TRAPPC13: variants seen among roughly 807,000 people sequenced by gnomAD.
TRAPPC13 encodes REV7-interacting novel NHEJ regulator 1.
In TRAPPC13, 39 loss-of-function variants were observed where a neutral mutation model predicts 54.0. The ratio of observed to expected loss-of-function variants is 0.72; its 90% CI spans 0.56 to 0.94. The LOEUF (loss-of-function observed/expected upper bound fraction) is 0.94, where lower values mean the gene tolerates loss of function less well. TRAPPC13 is among the 40% of genes least tolerant of loss of function. The pLI is 0.00. For missense variants in TRAPPC13, 386 were observed against 488.1 expected, an observed-to-expected ratio of 0.79 and a Z score of 1.97; for synonymous variants, 148 against 167.7, an observed-to-expected ratio of 0.88 and a Z score of 0.91.
In TRAPPC13 at chr5:65,635,346, CAT is replaced by C. The variant is rs1484366245; in HGVS notation, c.93_94del (p.Cys32Ter). On this transcript the variant is annotated frameshift_variant, in exon 2 of 13. Coordinates refer to ENST00000399438, the MANE Select transcript of TRAPPC13 (RefSeq NM_024941.4). LOFTEE classifies it high-confidence loss of function. ...ACTTTATTCACCAATATCCCAGTAA[CAT>C]GTGAAGAGAAAGACTTACCTGGTAT... 8.1e-6 allele frequency: 13 copies of C among 1,613,470 alleles called. No homozygotes were observed. The highest frequency in any genetic ancestry group is 2.2e-5 in the East Asian group (1 of 44,836).
In TRAPPC13 at chr5:65,650,693, C is replaced by T. The variant is rs1226646945; in HGVS notation, c.429-117C>T. The T allele has an allele frequency of 6.9e-6, 5 of 724,568 alleles. No homozygotes were observed. In the East Asian group the frequency reaches 8.1e-5, roughly 12 times the overall value. 44.9% of individuals were successfully genotyped at this position (724,568 alleles called of 1,614,324 possible). On this transcript the variant is annotated intron_variant, in intron 5 of 12. Transcript: ENST00000399438. ...GACTTTTTCCCCTGCTCTAATCTCA[C>T]ACATCCACACCATAGATATAAGTGT... is the stretch of plus-strand genomic sequence containing the variant.
At chr5:65,651,731 A>C (rs1250309770) in intron 6 of TRAPPC13, among the ~76,000 whole-genome samples, 1 of 144,462 alleles carries the variant, frequency 6.9e-6, no homozygotes, top group African/African-American at 2.6e-5. Flanking sequence ...GGTTTTTTTC[A>C]TTCCTTTGTA....
chr5:65,666,070 T>C lies in TRAPPC13; in HGVS notation c.*1459T>C, dbSNP rs1030348617. The C allele has an allele frequency of 1.3e-5, 2 of 152,588 alleles. No individual in the cohort carries two copies. The highest frequency in any genetic ancestry group is 6.5e-5 in the Admixed American group (1 of 15,278). 9.5% of individuals were successfully genotyped at this position (152,588 alleles called of 1,614,324 possible). ...AAAATAAAGTGCAAGCAGTGTAAAA[T>C]TGAAGTCTGTCTTTGTTTCAAAATG... On this transcript the variant is annotated 3_prime_UTR_variant, in exon 13 of 13. Coordinates refer to ENST00000399438, the MANE Select transcript of TRAPPC13 (RefSeq NM_024941.4).
At chr5:65,640,416 A>C (rs1337078227) in intron 4 of TRAPPC13, among the ~76,000 whole-genome samples, 2 of 152,158 alleles carry the variant, frequency 1.3e-5, no homozygotes, top group Non-Finnish European at 2.9e-5. Context: ...TCCTTAAATA[A>C]AGCTTTACTG....
chr5:65,626,770 A>G (rs1459030655), intron 1 of TRAPPC13, among the ~76,000 whole-genome samples: 1 of 151,978 alleles, frequency 6.6e-6, no homozygotes, highest in Non-Finnish European at 1.5e-5. Flanking sequence ...AATTCCAGTG[A>G]TACAGAGACT....
chr5:65,634,067 C>G lies in TRAPPC13; in HGVS notation c.47-1234C>G, dbSNP rs182718853. Among the ~76,000 whole-genome samples the G allele has an allele frequency of 1.7e-3, 251 of 147,314 alleles. 1 individual carries two copies. Among genetic ancestry groups the G allele is most frequent in the Middle Eastern group, 0.015 (4 of 268 alleles). On this transcript the variant is annotated intron_variant, in intron 1 of 12. Transcript: ENST00000399438. ...GTGCCGCAATCTCGGCTCACTGCAA[C>G]CTCCGCCTCCCGGCTTCATGCCATT...
At chr5:65,656,336 GC>G (rs1442942638) in intron 8 of TRAPPC13, among the ~76,000 whole-genome samples, 2 of 151,914 alleles carry the variant, frequency 1.3e-5, no homozygotes, top group Admixed American at 1.3e-4. Context: ...CTAAATTTAT[GC>G]AGAAAATTGC....
At chr5:65,629,530 T>G in intron 1 of TRAPPC13, 6 of 1,467,610 alleles carry the variant, frequency 4.1e-6, no homozygotes, top group Non-Finnish European at 4.5e-6. Flanking sequence ...ACATTCTAGC[T>G]CTGAGGAGTT....
chr5:65,654,252 T>G (rs919057358), intron 7 of TRAPPC13, among the ~76,000 whole-genome samples: 1 of 152,164 alleles, frequency 6.6e-6, no homozygotes, highest in African/African-American at 2.4e-5. Flanking sequence ...ACCACACCAA[T>G]TGATTTTTCA....
At chr5:65,651,653 G>GGT in intron 6 of TRAPPC13, among the ~76,000 whole-genome samples, 1 of 149,158 alleles carries the variant, frequency 6.7e-6, no homozygotes, top group Admixed American at 6.7e-5. Context: ...ATGTGGGGGG[G>GGT]GTGGTGAGGA....
At chr5:65,639,860 G>A (rs181055683) in intron 4 of TRAPPC13, among the ~76,000 whole-genome samples, 2 of 152,270 alleles carry the variant, frequency 1.3e-5, no homozygotes, top group African/African-American at 4.8e-5. Context: ...GCAAAAAGAA[G>A]GTAAGAACTC....
chr5:65,649,992 G>A (rs566500243), intron 5 of TRAPPC13, among the ~76,000 whole-genome samples: 9 of 151,432 alleles, frequency 5.9e-5, no homozygotes, highest in Non-Finnish European at 1.2e-4. Context: ...GAGTAGCTGG[G>A]ACTACAGGTG....
intron 11 of TRAPPC13, chr5:65,663,841 A>G (rs1756925048): frequency 6.2e-6 from 1 of 160,444 alleles, no homozygotes; most frequent in Admixed American, 6.4e-5. Context: ...GGACTAGACC[A>G]GAATCAGTTG....
intron 7 of TRAPPC13, 49 bp downstream of exon 7, chr5:65,652,594 AT>A (rs1756506939): frequency 3.7e-6 from 5 of 1,335,652 alleles, no homozygotes; most frequent in Non-Finnish European, 5.4e-6. Flanking sequence ...TTAAGATCGT[AT>A]TTGACTAAAA....
rs1423202719 is a variant in TRAPPC13 at position 65,630,212 on chromosome 5, G to A, written c.47-5089G>A. ...TAATGCTACAATTCAGAGGCATTTA[G>A]GCCAAATATGGGTGTTCTGTGATAT... On this transcript the variant is annotated intron_variant, in intron 1 of 12. Transcript: ENST00000399438. 6.5e-6 allele frequency: 10 copies of A among 1,535,900 alleles called. No homozygotes were observed. The East Asian group carries it at 2.4e-4, about 38-fold the overall frequency.
chr5:65,644,998 A>G (rs891252616), intron 4 of TRAPPC13, among the ~76,000 whole-genome samples: 5 of 151,962 alleles, frequency 3.3e-5, no homozygotes, highest in African/African-American at 1.2e-4. Flanking sequence ...GGAGTTCAAG[A>G]CCAGCCTGGC....
At chr5:65,633,529 A>G (rs1239894742) in intron 1 of TRAPPC13, among the ~76,000 whole-genome samples, 3 of 152,100 alleles carry the variant, frequency 2.0e-5, no homozygotes, top group Admixed American at 1.3e-4. Context: ...CGGCCTCCCA[A>G]AGTGCTGGGA....
At position 65,647,040 on chromosome 5, in the gene TRAPPC13, T is replaced by TA; in HGVS notation, c.301-13dup. On this transcript the variant is annotated splice_polypyrimidine_tract_variant and intron_variant, in intron 4 of 12. Coordinates refer to ENST00000399438, the MANE Select transcript of TRAPPC13 (RefSeq NM_024941.4). ...CTCATTTGGACTTTTTTTTTTTTTT[T>TA]AACTTTCTTTCAAGGCTGATCTTCA... 6.6e-7 allele frequency: 1 copy of TA among 1,520,296 alleles called. No individual in the cohort carries two copies. The highest frequency in any genetic ancestry group is 1.3e-5 in the South Asian group (1 of 78,304). 94.2% of individuals were successfully genotyped at this position (1,520,296 alleles called of 1,614,324 possible).
intron 4 of TRAPPC13, among the ~76,000 whole-genome samples, chr5:65,644,397 G>A (rs941443408): frequency 3.3e-5 from 5 of 152,060 alleles, no homozygotes; most frequent in African/African-American, 9.7e-5. Flanking sequence ...CACACTTGTG[G>A]TATTTTGCTA....
Sources: gnomAD v4.1 joint callset for allele counts (sites outside exome capture counted in the v4.1 genomes callset) on GRCh38, gnomAD v4.1.1 for gene constraint, MANE v1.5 for transcripts, NCBI Gene and HGNC (gene_info 2026-07-23, HGNC 2026-07-21) for gene names.